The following MAPK10 variants were observed in gnomAD, a reference collection of about 807,000 sequenced individuals.
MAPK10 encodes mitogen-activated protein kinase 10, also known as JNK3 alpha protein kinase.
Under a neutral mutation model 59.3 loss-of-function variants are expected in MAPK10, and 25 were observed. That is an observed-to-expected ratio of 0.42 (90% CI 0.31 to 0.59). The LOEUF is 0.59. Among genes scored for constraint, MAPK10 ranks in the 20% least tolerant of loss-of-function variants. MAPK10 has a pLI of 0.15. For synonymous variants in MAPK10, 190 were observed against 200.5 expected, an observed-to-expected ratio of 0.95 and a Z score of 0.44; for missense variants, 351 against 568.9, an observed-to-expected ratio of 0.62 and a Z score of 3.90.
chr4:86,277,620 G>A (rs896151908), intron 2 of MAPK10, among the ~76,000 whole-genome samples: 13 of 152,024 alleles, frequency 8.6e-5, no homozygotes, highest in African/African-American at 3.1e-4. Context: ...CTTTTTTTAA[G>A]TGTTAAGTTA....
intron 1 of MAPK10, among the ~76,000 whole-genome samples, chr4:86,425,127 G>T (rs1747102072): frequency 6.6e-6 from 1 of 152,146 alleles, no homozygotes; most frequent in Non-Finnish European, 1.5e-5. Flanking sequence ...AGCAAAGAAA[G>T]AATCAACATG....
At chr4:86,413,438 C>T (rs1299159513) in intron 1 of MAPK10, among the ~76,000 whole-genome samples, 2 of 152,204 alleles carry the variant, frequency 1.3e-5, no homozygotes, top group African/African-American at 4.8e-5. Flanking sequence ...TTGCTCTCTT[C>T]AGAGCTGTCA....
At chr4:86,546,872 CA>C (rs1365376819) in intron 1 of MAPK10, among the ~76,000 whole-genome samples, 3 of 152,002 alleles carry the variant, frequency 2.0e-5, no homozygotes, top group African/African-American at 7.2e-5. Context: ...CTGGCTAACA[CA>C]GTGAAACCCC....
rs182183567 is a variant in MAPK10, at chr4:86,403,534, A to C, written c.-121-48890T>G. Among the ~76,000 whole-genome samples the C allele has an allele frequency of 1.7e-3, 254 of 152,162 alleles. 1 individual carries two copies. Among genetic ancestry groups the C allele is most frequent in the Admixed American group, 5.8e-3 (89 of 15,262 alleles). On this transcript the variant is annotated intron_variant, in intron 1 of 13. Coordinates refer to the MAPK10 transcript ENST00000361569. The stretch of plus-strand genomic sequence containing the variant: ...AGAGAGTCTGTCACACACACACACA[A>C]AAAACAACAACAAAACCTGAGACTG...
chr4:86,318,556 G>A (rs1249514393), intron 2 of MAPK10, among the ~76,000 whole-genome samples: 1 of 152,084 alleles, frequency 6.6e-6, no homozygotes, highest in Non-Finnish European at 1.5e-5. Context: ...ATAATAAGGA[G>A]AAATAATCTG....
intron 1 of MAPK10, among the ~76,000 whole-genome samples, chr4:86,448,401 GT>G (rs35968542): frequency 0.33 from 49,416 of 147,644 alleles, 8,408 homozygotes; most frequent in Admixed American, 0.39. Flanking sequence ...AGAATTCTGG[GT>G]TTTTTTTTTT....
chr4:86,054,697 A>G (rs912839049), intron 11 of MAPK10, among the ~76,000 whole-genome samples: 5 of 152,218 alleles, frequency 3.3e-5, no homozygotes, highest in African/African-American at 1.2e-4. Context: ...ATTTATATAT[A>G]TTCTGAGTCT....
At chr4:86,560,001 T>A (rs967508826) in intron 1 of MAPK10, among the ~76,000 whole-genome samples, 7 of 152,052 alleles carry the variant, frequency 4.6e-5, no homozygotes, top group African/African-American at 1.4e-4. Context: ...CAATTTTTTT[T>A]AATTTAGGAT....
chr4:86,450,391 C>T (rs774990342), intron 1 of MAPK10, among the ~76,000 whole-genome samples: 6 of 152,132 alleles, frequency 3.9e-5, no homozygotes, highest in Non-Finnish European at 5.9e-5. Flanking sequence ...TACTTCAAAA[C>T]CTGAGCTAAA....
At chr4:86,486,533 T>C (rs1226555856) in intron 1 of MAPK10, among the ~76,000 whole-genome samples, 1 of 152,184 alleles carries the variant, frequency 6.6e-6, no homozygotes, top group Non-Finnish European at 1.5e-5. Flanking sequence ...AACTACTTTA[T>C]GGGTATCATA....
chr4:86,568,339 G>A (rs1761211562), intron 1 of MAPK10, among the ~76,000 whole-genome samples: 1 of 151,960 alleles, frequency 6.6e-6, no homozygotes, highest in Admixed American at 6.6e-5. Context: ...TGGATTAGAG[G>A]AATCAAATCA....
intron 11 of MAPK10, among the ~76,000 whole-genome samples, chr4:86,041,443 C>T (rs2041505388): frequency 6.6e-6 from 1 of 152,134 alleles, no homozygotes; most frequent in Non-Finnish European, 1.5e-5. Context: ...ATTACTAAAA[C>T]ACCAAAAGCA....
chr4:86,550,225 G>A (rs920219554), intron 1 of MAPK10, among the ~76,000 whole-genome samples: 1 of 151,984 alleles, frequency 6.6e-6, no homozygotes, highest in African/African-American at 2.4e-5. Context: ...GGATCTCACA[G>A]GGAGATTCAA....
At chr4:86,579,609 T>TATAATTATAAATACAA (rs1762128231) in intron 1 of MAPK10, among the ~76,000 whole-genome samples, 1 of 151,954 alleles carries the variant, frequency 6.6e-6, no homozygotes, top group Non-Finnish European at 1.5e-5. Context: ...ACATAAAATG[T>TATAATTATAAATACAA]TTTGGGATAC....
chr4:86,423,917 A>C (rs1359979283), intron 1 of MAPK10, among the ~76,000 whole-genome samples: 1 of 151,744 alleles, frequency 6.6e-6, no homozygotes, highest in Non-Finnish European at 1.5e-5. Flanking sequence ...AGTAACCTAA[A>C]AGTTACTACA....
intron 1 of MAPK10, among the ~76,000 whole-genome samples, chr4:86,407,902 T>C (rs1043810386): frequency 2.0e-5 from 3 of 152,134 alleles, no homozygotes; most frequent in Non-Finnish European, 4.4e-5. Context: ...AAATTTATTT[T>C]CTTTTTTTAT....
In MAPK10 at chr4:86,136,186, G is replaced by A. The variant is rs533866117; in HGVS notation, c.236+23112C>T. Among the ~76,000 whole-genome samples the A allele has an allele frequency of 1.8e-4, 28 of 152,184 alleles. No homozygotes were observed. The East Asian group carries it at 4.4e-3, about 24-fold the overall frequency. On this transcript the variant is annotated intron_variant, in intron 4 of 13. Transcript: ENST00000641462. ...TTCACATTCAGGAAACACAGAGAAT[G>A]CCACAAAGATACTCCTCGAGAAGAG... is the stretch of plus-strand genomic sequence containing the variant.
At chr4:86,537,229 TA>T in intron 1 of MAPK10, among the ~76,000 whole-genome samples, 1 of 152,192 alleles carries the variant, frequency 6.6e-6, no homozygotes, top group South Asian at 2.1e-4. Context: ...ATCAAATAAG[TA>T]AAAGTACTAA....
intron 2 of MAPK10, among the ~76,000 whole-genome samples, chr4:86,315,882 C>T (rs188148904): frequency 0.011 from 1,599 of 152,184 alleles, 11 homozygotes; most frequent in South Asian, 0.033. Flanking sequence ...TTGAAAAAGT[C>T]TTTAATACTT....
Sources: gnomAD v4.1 joint callset for allele counts (sites outside exome capture counted in the v4.1 genomes callset) on GRCh38, gnomAD v4.1.1 for gene constraint, MANE v1.5 for transcripts, NCBI Gene and HGNC (gene_info 2026-07-23, HGNC 2026-07-21) for gene names.